PIP4K2A: variants seen among roughly 807,000 people sequenced by gnomAD.
PIP4K2A encodes phosphatidylinositol 5-phosphate 4-kinase type-2 alpha.
Under a neutral mutation model 42.9 loss-of-function variants are expected in PIP4K2A, and 14 were observed. The ratio of observed to expected loss-of-function variants is 0.33; its 90% CI spans 0.22 to 0.51. The LOEUF is 0.51. Among genes scored for constraint, PIP4K2A ranks in the 20% least tolerant of loss-of-function variants. PIP4K2A has a pLI of 0.97. For synonymous variants in PIP4K2A, 192 were observed against 192.2 expected, an observed-to-expected ratio of 1.00 and a Z score of 0.01; for missense variants, 434 against 519.8, an observed-to-expected ratio of 0.83 and a Z score of 1.61.
chr10:22,691,174 C>T lies in PIP4K2A; in HGVS notation c.144+23009G>A, dbSNP rs182249220. Among the ~76,000 whole-genome samples the T allele has an allele frequency of 4.1e-4, 62 of 152,270 alleles. 1 individual carries two copies. The highest frequency in any genetic ancestry group is 3.1e-3 in the Admixed American group (47 of 15,296). On this transcript the variant is annotated intron_variant, in intron 1 of 9. Coordinates refer to ENST00000376573, the MANE Select transcript of PIP4K2A (RefSeq NM_005028.5). Reference sequence around the variant, plus strand: ...CACTGCAGCCTATTTGACACAAATGCAATTCAGGATGGCATCTGCGATTCA... The same window carrying T: ...CACTGCAGCCTATTTGACACAAATGTAATTCAGGATGGCATCTGCGATTCA...
intron 1 of PIP4K2A, among the ~76,000 whole-genome samples, chr10:22,631,013 C>T (rs956746588): frequency 2.6e-5 from 4 of 152,106 alleles, no homozygotes; most frequent in Admixed American, 1.3e-4. Flanking sequence ...CAGCTTCTCG[C>T]GATCAGGAGC....
rs139309977 is a variant in PIP4K2A, at chr10:22,539,763, C to T, written c.1140+208G>A. On this transcript the variant is annotated intron_variant, in intron 9 of 9. Coordinates refer to ENST00000376573, the MANE Select transcript of PIP4K2A (RefSeq NM_005028.5). ...AAGCGTTTGTGGGTTCTGTATCTTA[C>T]GCTCAGAACATGACTTGCCCCCAGG... The T allele has an allele frequency of 1.4e-4, 80 of 571,572 alleles. 1 individual carries two copies. The East Asian group carries it at 1.8e-3, about 13-fold the overall frequency. 35.4% of individuals were successfully genotyped at this position (571,572 alleles called of 1,614,324 possible).
At chr10:22,603,199 G>A (rs1837831847) in intron 3 of PIP4K2A, among the ~76,000 whole-genome samples, 1 of 152,158 alleles carries the variant, frequency 6.6e-6, no homozygotes, top group Non-Finnish European at 1.5e-5. Flanking sequence ...TGTCAATAAT[G>A]AGGGATTCTA....
chr10:22,683,306 C>A (rs898794355), intron 1 of PIP4K2A, among the ~76,000 whole-genome samples: 1 of 152,086 alleles, frequency 6.6e-6, no homozygotes, highest in South Asian at 2.1e-4. Flanking sequence ...TCACTGTGAT[C>A]TTAAGTCACA....
chr10:22,639,626 T>C (rs1240702138), intron 1 of PIP4K2A, among the ~76,000 whole-genome samples: 1 of 152,188 alleles, frequency 6.6e-6, no homozygotes, highest in South Asian at 2.1e-4. Context: ...AGTACATTTT[T>C]TTCACAATAC....
rs150254345 is a variant in PIP4K2A, at chr10:22,705,426, T to TAAAAAAAAAAAAAA, written c.144+8743_144+8756dup. Among the ~76,000 whole-genome samples the TAAAAAAAAAAAAAA allele has an allele frequency of 6.8e-5, 2 of 29,244 alleles. 1 individual carries two copies. Among genetic ancestry groups the TAAAAAAAAAAAAAA allele is most frequent in the African/African-American group, 3.0e-4 (2 of 6,562 alleles). 19.2% of individuals were successfully genotyped at this position (29,244 alleles called of 152,430 possible). On this transcript the variant is annotated intron_variant, in intron 1 of 9. Coordinates refer to ENST00000376573, the MANE Select transcript of PIP4K2A (RefSeq NM_005028.5). ...TACGTATTATATTCAGTACCCCAGT[T>TAAAAAAAAAAAAAA]AAAAAAAAAAAAAAAAAAAAAAAAA...
chr10:22,583,706 C>T (rs1837328396), intron 4 of PIP4K2A, among the ~76,000 whole-genome samples: 1 of 152,234 alleles, frequency 6.6e-6, no homozygotes, highest in African/African-American at 2.4e-5. Flanking sequence ...CCTTCCCAAA[C>T]ATTGCAGAGG....
At position 22,667,938 on chromosome 10, in the gene PIP4K2A, CAGAGAGACAGAG is replaced by C. The variant is rs1402807544; in HGVS notation, c.144+46233_144+46244del. Among the ~76,000 whole-genome samples, 91 of 35,978 alleles carry C rather than the reference CAGAGAGACAGAG, an allele frequency of 2.5e-3. 1 individual carries two copies. Among genetic ancestry groups the C allele is most frequent in the Non-Finnish European group, 5.4e-3 (75 of 13,940 alleles). 23.6% of individuals were successfully genotyped at this position (35,978 alleles called of 152,430 possible). On this transcript the variant is annotated intron_variant, in intron 1 of 9. Transcript: ENST00000376573. ...GTGTAGAGAGGGGGAGGGAGGGAGACAGAGAGACAGAGAGAGAGACAGACAGAAAGACAGACA... is the reference window on the plus strand; with the variant it reads ...GTGTAGAGAGGGGGAGGGAGGGAGACAGAGAGACAGACAGAAAGACAGACA...
At chr10:22,550,014 AC>A (rs1376777092) in intron 7 of PIP4K2A, among the ~76,000 whole-genome samples, 1 of 152,162 alleles carries the variant, frequency 6.6e-6, no homozygotes, top group Non-Finnish European at 1.5e-5. Flanking sequence ...AATGTTTAGA[AC>A]AGTGTTTAAA....
chr10:22,582,428 G>T (rs1054255139), intron 4 of PIP4K2A, among the ~76,000 whole-genome samples: 2 of 152,120 alleles, frequency 1.3e-5, no homozygotes, highest in Non-Finnish European at 1.5e-5. Flanking sequence ...GGTTCTAAGT[G>T]ATGTACTGCA....
intron 1 of PIP4K2A, among the ~76,000 whole-genome samples, chr10:22,704,517 G>A (rs1833778673): frequency 6.6e-6 from 1 of 152,028 alleles, no homozygotes; most frequent in African/African-American, 2.4e-5. Flanking sequence ...CAGGGCAGGT[G>A]TGGTAGCTCA....
At chr10:22,686,008 C>T (rs755619289) in intron 1 of PIP4K2A, among the ~76,000 whole-genome samples, 4 of 152,170 alleles carry the variant, frequency 2.6e-5, no homozygotes, top group African/African-American at 4.8e-5. Context: ...TTCCAATATT[C>T]GCCTTAAGTG....
chr10:22,546,032 A>C (rs890395673), intron 7 of PIP4K2A, among the ~76,000 whole-genome samples: 4 of 152,146 alleles, frequency 2.6e-5, no homozygotes, highest in African/African-American at 9.7e-5. Flanking sequence ...GAAAAACCAA[A>C]TATGGCACAG....
At chr10:22,671,145 CATATAT>C (rs993832528) in intron 1 of PIP4K2A, among the ~76,000 whole-genome samples, 1 of 151,972 alleles carries the variant, frequency 6.6e-6, no homozygotes, top group Non-Finnish European at 1.5e-5. Flanking sequence ...CACGTCCACA[CATATAT>C]ATATACCTTT....
At chr10:22,562,474 A>T (rs1836735626) in intron 6 of PIP4K2A, among the ~76,000 whole-genome samples, 1 of 152,162 alleles carries the variant, frequency 6.6e-6, no homozygotes, top group African/African-American at 2.4e-5. Flanking sequence ...GCATGAACCC[A>T]GGAGGCGGAG....
At chr10:22,616,996 A>G (rs1034817482) in intron 1 of PIP4K2A, among the ~76,000 whole-genome samples, 1 of 152,252 alleles carries the variant, frequency 6.6e-6, no homozygotes, top group African/African-American at 2.4e-5. Context: ...AGTTTCCTTC[A>G]TGAAAAATAT....
At chr10:22,670,671 T>G (rs1360748120) in intron 1 of PIP4K2A, among the ~76,000 whole-genome samples, 1 of 152,178 alleles carries the variant, frequency 6.6e-6, no homozygotes, top group Non-Finnish European at 1.5e-5. Context: ...TAGTAAAAAC[T>G]TATATATTTC....
chr10:22,648,800 A>G (rs1838935331), intron 1 of PIP4K2A, among the ~76,000 whole-genome samples: 1 of 152,216 alleles, frequency 6.6e-6, no homozygotes, highest in Admixed American at 6.5e-5. Context: ...CCAGACCACA[A>G]TGTCTTTAAG....
At chr10:22,703,440 A>ATTCT (rs1305180503) in intron 1 of PIP4K2A, among the ~76,000 whole-genome samples, 5 of 152,098 alleles carry the variant, frequency 3.3e-5, no homozygotes, top group African/African-American at 1.2e-4. Flanking sequence ...AAAGAGGGAA[A>ATTCT]AACATTCCCG....
Sources: gnomAD v4.1 joint callset for allele counts (sites outside exome capture counted in the v4.1 genomes callset) on GRCh38, gnomAD v4.1.1 for gene constraint, MANE v1.5 for transcripts, NCBI Gene and HGNC (gene_info 2026-07-23, HGNC 2026-07-21) for gene names.